Variants in SLC35F2 observed in about 807,000 individuals in gnomAD.
SLC35F2 encodes queuine/queuosine transporter SLC35F2.
Under a neutral mutation model 38.1 loss-of-function variants are expected in SLC35F2, and 25 were observed. That is an observed-to-expected ratio of 0.66 (90% CI 0.48 to 0.92). SLC35F2 has a LOEUF of 0.92. Among genes scored for constraint, SLC35F2 ranks in the 40% least tolerant of loss-of-function variants. The pLI is 0.00. For synonymous variants in SLC35F2, 173 were observed against 181.7 expected (o/e 0.95, Z 0.38); for missense variants, 409 against 452.9 (o/e 0.90, Z 0.88).
At chr11:107,818,989 G>C (rs551944602) in intron 1 of SLC35F2, among the ~76,000 whole-genome samples, 6 of 152,008 alleles carry the variant, frequency 3.9e-5, no homozygotes, top group Non-Finnish European at 5.9e-5. Context: ...TTAAAAAAGT[G>C]GGGGGGTGGT....
intron 1 of SLC35F2, among the ~76,000 whole-genome samples, chr11:107,857,302 C>A (rs1035017816): frequency 8.3e-6 from 1 of 120,284 alleles, no homozygotes; most frequent in Non-Finnish European, 1.6e-5. Flanking sequence ...AGAGAGGGAA[C>A]GAAGGAAGGA....
chr11:107,827,937 A>G (rs888357606), intron 1 of SLC35F2, among the ~76,000 whole-genome samples: 1 of 152,200 alleles, frequency 6.6e-6, no homozygotes, highest in Admixed American at 6.5e-5. Context: ...TTAATTAAGT[A>G]AACAAAAATA....
intron 3 of SLC35F2, chr11:107,809,633 G>GA (rs774404047): frequency 0.022 from 15,486 of 718,610 alleles, no homozygotes; most frequent in Non-Finnish European, 0.024. Flanking sequence ...CTCCTTCTCA[G>GA]AAAAAAAAAA....
chr11:107,805,491 A>T lies in SLC35F2; in HGVS notation c.599T>A (p.Ile200Asn). 6.2e-7 allele frequency: 1 copy of T among 1,613,874 alleles called. No individual in the cohort carries two copies. Among genetic ancestry groups the T allele is most frequent in the South Asian group, 1.1e-5 (1 of 91,034 alleles). ...NSGSDVLIGDILVLLGASLYA... is the reference protein window; with the variant it reads ...NSGSDVLIGDNLVLLGASLYA... ...GAGGGAAGCCCCAAGAAGGACCAAG[A>T]TGTCACCAATCAATACATCACTCCC... is the stretch of plus-strand genomic sequence containing the variant. The change falls in exon 5 of 8, where the codon ATC becomes AAC. Residue 200 changes from isoleucine to asparagine, a missense_variant. Physicochemically the swap from Ile to Asn is moderately radical, Grantham distance 149 (BLOSUM62 -3). Transcript: ENST00000525815.
chr11:107,851,003 G>A (rs2596420), intron 1 of SLC35F2, among the ~76,000 whole-genome samples: 6 of 151,790 alleles, frequency 4.0e-5, no homozygotes, highest in East Asian at 3.9e-4. Context: ...GGTGGCTCAC[G>A]CCTGTAATCC....
At chr11:107,833,296 C>T (rs912611950) in intron 1 of SLC35F2, among the ~76,000 whole-genome samples, 8 of 151,846 alleles carry the variant, frequency 5.3e-5, no homozygotes, top group African/African-American at 1.9e-4. Context: ...CTGAGGTGGG[C>T]AGATCACGAG....
intron 7 of SLC35F2, among the ~76,000 whole-genome samples, chr11:107,795,020 T>C (rs763746219): frequency 6.6e-6 from 1 of 152,100 alleles, no homozygotes; most frequent in Non-Finnish European, 1.5e-5. Context: ...TAAGGAAAGC[T>C]ACAAAACCCT....
chr11:107,805,745 T>C lies in SLC35F2; in HGVS notation c.575-230A>G, dbSNP rs142594278. 903 of 811,422 alleles carry C rather than the reference T, an allele frequency of 1.1e-3. 1 individual carries two copies. The African/African-American group carries it at 0.015, about 14-fold the overall frequency. 50.3% of individuals were successfully genotyped at this position (811,422 alleles called of 1,614,324 possible). A position where few individuals can be genotyped will look rare whatever the true frequency, so the allele number is the denominator to read the frequency against. On this transcript the variant is annotated intron_variant, in intron 4 of 7. Transcript: ENST00000525815. ...CAGGCTGGAGTGCAGTGGCGCAATC[T>C]CAGCTCACTGCAACCTACACCTCCG...
rs760937470 is a variant in SLC35F2 at position 107,792,614 on chromosome 11, G to A, written c.*1C>T. On this transcript the variant is annotated 3_prime_UTR_variant, in exon 8 of 8. Transcript: ENST00000525815. ...GGGGATGGGTGCGCCATCTTCTCCA[G>A]CTACAAGACAGCAGAGTGGGTCTCC... The A allele has an allele frequency of 1.2e-5, 20 of 1,605,680 alleles. No individual in the cohort carries two copies. The highest frequency in any genetic ancestry group is 1.7e-5 in the Non-Finnish European group (20 of 1,176,722).
At chr11:107,807,905 C>T (rs182665440) in intron 3 of SLC35F2, among the ~76,000 whole-genome samples, 3 of 152,296 alleles carry the variant, frequency 2.0e-5, no homozygotes, top group Admixed American at 1.3e-4. Flanking sequence ...AGTAGACAAA[C>T]ATTCCTTCCT....
In SLC35F2 at chr11:107,791,299, C is replaced by T. The variant is rs76722414; in HGVS notation, c.*1316G>A. ...TGATGAGAATCTTTTCTTGTTTTTA[C>T]CAGTTATAAAAACAAAGCTTTTTCT... On this transcript the variant is annotated 3_prime_UTR_variant, in exon 8 of 8. Transcript: ENST00000525815. The T allele has an allele frequency of 7.4e-4, 112 of 152,212 alleles. No homozygotes were observed. The highest frequency in any genetic ancestry group is 2.6e-3 in the African/African-American group (108 of 41,524). The allele number at this position is 152,212 out of a possible 1,614,324, so 9.4% of individuals were successfully genotyped here. A position where few individuals can be genotyped will look rare whatever the true frequency, so the allele number is the denominator to read the frequency against.
At chr11:107,850,259 T>C (rs1860157563) in intron 1 of SLC35F2, among the ~76,000 whole-genome samples, 1 of 152,060 alleles carries the variant, frequency 6.6e-6, no homozygotes, top group South Asian at 2.1e-4. Context: ...GTCATCACAG[T>C]GATGTTTGTG....
At chr11:107,821,603 T>C (rs1175701670) in intron 1 of SLC35F2, 1 of 985,316 alleles carries the variant, frequency 1.0e-6, no homozygotes, top group Admixed American at 6.1e-5. Context: ...AGGTCCTGGT[T>C]CATGTGAATT....
chr11:107,807,577 A>ATT (rs1299108015), intron 3 of SLC35F2, among the ~76,000 whole-genome samples: 1,016 of 96,244 alleles, frequency 0.011, 13 homozygotes, highest in African/African-American at 0.039. Context: ...TTTTATTATT[A>ATT]TTATTTTTTT....
At chr11:107,846,989 A>T (rs1860112457) in intron 1 of SLC35F2, among the ~76,000 whole-genome samples, 1 of 152,120 alleles carries the variant, frequency 6.6e-6, no homozygotes, top group Non-Finnish European at 1.5e-5. Flanking sequence ...TTATCTGGAA[A>T]ATTAACCTGT....
At chr11:107,827,674 A>G (rs1859775497) in intron 1 of SLC35F2, among the ~76,000 whole-genome samples, 1 of 151,550 alleles carries the variant, frequency 6.6e-6, no homozygotes, top group Non-Finnish European at 1.5e-5. Flanking sequence ...ACTAGAACCC[A>G]GGAGGCAGTG....
intron 1 of SLC35F2, among the ~76,000 whole-genome samples, chr11:107,848,238 TAAAA>T (rs975557670): frequency 7.9e-5 from 12 of 151,748 alleles, no homozygotes; most frequent in Middle Eastern, 3.2e-3. Flanking sequence ...AAAGAAAACT[TAAAA>T]AAAGTATTAT....
At chr11:107,811,091 TA>T in intron 3 of SLC35F2, 1 of 984,930 alleles carries the variant, frequency 1.0e-6, no homozygotes, top group Non-Finnish European at 1.2e-6. Context: ...AAACATCCCA[TA>T]GTTTGCTAAC....
chr11:107,835,186 T>C (rs1432465835), intron 1 of SLC35F2, among the ~76,000 whole-genome samples: 1 of 152,214 alleles, frequency 6.6e-6, no homozygotes, highest in Non-Finnish European at 1.5e-5. Context: ...CTTAAGGTAT[T>C]TGAAGGTAAC....
Sources: allele counts gnomAD v4.1 joint callset (sites outside exome capture counted in the v4.1 genomes callset), GRCh38; gene constraint gnomAD v4.1.1; transcripts MANE v1.5; gene names NCBI Gene and HGNC (gene_info 2026-07-23, HGNC 2026-07-21).